Variants in CEP72 observed in about 807,000 individuals in gnomAD.
CEP72 encodes the protein centrosomal protein 72.
A neutral mutation model predicts 65.7 loss-of-function variants in CEP72; 78 were observed. The observed-to-expected ratio is 1.19, with a 90% CI of 0.99 to 1.43. The LOEUF is 1.43. Among genes scored for constraint, CEP72 ranks in the 40% most tolerant of loss-of-function variants. The pLI is 0.00. For missense variants in CEP72, 914 were observed against 832.9 expected (o/e 1.10, Z -1.20); for synonymous variants, 358 against 351.7 (o/e 1.02, Z -0.20).
downstream of CEP72, among the ~76,000 whole-genome samples, chr5:670,860 G>T (rs1740196330): frequency 6.6e-6 from 1 of 152,198 alleles, no homozygotes; most frequent in South Asian, 2.1e-4. Flanking sequence ...TCCACCAGCA[G>T]CTGAGCACCT....
chr5:640,632 GTCCATGTGA>G, intron 9 of CEP72, 28 bp downstream of exon 9: 1 of 1,586,286 alleles, frequency 6.3e-7, no homozygotes, highest in Non-Finnish European at 8.6e-7. Flanking sequence ...CTGTGTCTGT[GTCCATGTGA>G]CTGGGGGAAA....
At chr5:625,575 T>A (rs1181717571) in intron 4 of CEP72, among the ~76,000 whole-genome samples, 1 of 152,250 alleles carries the variant, frequency 6.6e-6, no homozygotes, top group Non-Finnish European at 1.5e-5. Flanking sequence ...TGCTGACTTC[T>A]CTTCCAGTGT....
rs537424173 is a variant in CEP72, at chr5:614,752, C to T, written c.82+2309C>T. ...CTGTGTGATTCCATTATGGCCAGAA[C>T]ATAATCTGTATGATTTTAATTCTTT... On this transcript the variant is annotated intron_variant, in intron 1 of 11. Coordinates refer to ENST00000264935, the MANE Select transcript of CEP72 (RefSeq NM_018140.4). Among the ~76,000 whole-genome samples the T allele has an allele frequency of 2.0e-5, 3 of 152,296 alleles. No individual in the cohort carries two copies. The East Asian group carries it at 5.8e-4, about 29-fold the overall frequency.
At chr5:644,592 C>A (rs1185892520) in intron 10 of CEP72, among the ~76,000 whole-genome samples, 167 bp downstream of exon 10, 2 of 152,170 alleles carry the variant, frequency 1.3e-5, no homozygotes, top group Non-Finnish European at 2.9e-5. Context: ...GCTGCCTCGG[C>A]CGGAGTTTAT....
Position 650,248 on chromosome 5 carries a change from G to A in CEP72, c.1778+2332G>A, listed in dbSNP as rs532520306. ...AGGCGTGGACTGTGAGGCGTGGACT[G>A]TGAGGTGTGACTGTGAGGCGTGGAC... On this transcript the variant is annotated intron_variant, in intron 11 of 11. Transcript: ENST00000264935. Among the ~76,000 whole-genome samples the A allele has an allele frequency of 2.7e-3, 196 of 71,450 alleles. 3 individuals are homozygous for A. The highest frequency in any genetic ancestry group is 0.016 in the African/African-American group (190 of 11,958). The allele number at this position is 71,450 out of a possible 152,430, so 46.9% of individuals were successfully genotyped here.
intron 8 of CEP72, 33 bp downstream of exon 8, chr5:639,257 A>G (rs776137547): frequency 2.6e-6 from 4 of 1,529,384 alleles, no homozygotes; most frequent in Admixed American, 4.1e-5. Flanking sequence ...CTTGCCCTGT[A>G]GGCAGCGTCT....
intron 10 of CEP72, among the ~76,000 whole-genome samples, chr5:646,295 T>C (rs1738419773): frequency 6.6e-6 from 1 of 152,378 alleles, no homozygotes; most frequent in East Asian, 1.9e-4. Flanking sequence ...TTTCTAATTA[T>C]GACTTACGTT....
intron 4 of CEP72, among the ~76,000 whole-genome samples, chr5:625,202 A>T (rs986285634): frequency 6.6e-6 from 1 of 152,090 alleles, no homozygotes; most frequent in African/African-American, 2.4e-5. Flanking sequence ...CCCTAGAGAG[A>T]CTTCGTGCTT....
At chr5:659,224 A>G (rs1375138388), downstream of CEP72, among the ~76,000 whole-genome samples, 1 of 152,216 alleles carries the variant, frequency 6.6e-6, no homozygotes, top group South Asian at 2.1e-4. Context: ...GTCCCTCTCC[A>G]TGCTCCTGTT....
chr5:633,327 C>T (rs1454237790), intron 4 of CEP72, among the ~76,000 whole-genome samples: 1 of 124,958 alleles, frequency 8.0e-6, no homozygotes, highest in Admixed American at 8.4e-5. Context: ...TGGCCCAGTC[C>T]TGGTGGGGTT....
At chr5:648,743 TGAGGTGTG>T (rs1313827020) in intron 11 of CEP72, among the ~76,000 whole-genome samples, 18 of 80,854 alleles carry the variant, frequency 2.2e-4, no homozygotes, top group African/African-American at 7.1e-4. Flanking sequence ...GGCATGACTG[TGAGGTGTG>T]GACTGTGAGG....
intron 10 of CEP72, among the ~76,000 whole-genome samples, chr5:646,186 T>C (rs1352500989): frequency 6.6e-6 from 1 of 152,258 alleles, no homozygotes; most frequent in Non-Finnish European, 1.5e-5. Flanking sequence ...GAGGACTTGT[T>C]GGACTTTCTG....
At chr5:620,773 G>T (rs905145330) in intron 3 of CEP72, among the ~76,000 whole-genome samples, 1 of 152,208 alleles carries the variant, frequency 6.6e-6, no homozygotes, top group Non-Finnish European at 1.5e-5. Context: ...GAAAGAAAAG[G>T]CTTTCCATGA....
In CEP72 at chr5:644,216, G is replaced by T. The variant is rs547553725; in HGVS notation, c.1540-83G>T. On this transcript the variant is annotated intron_variant, in intron 9 of 11. Transcript: ENST00000264935. ...AAGTATGCAGAAGGAACCCTCTGGG[G>T]ATTCTCAGGTTTCAGTTTTACTTTC... is the stretch of plus-strand genomic sequence containing the variant. 1.6e-5 allele frequency: 24 copies of T among 1,476,302 alleles called. 1 individual carries two copies. In the South Asian group the frequency reaches 2.5e-4, roughly 15 times the overall value. The allele number at this position is 1,476,302 out of a possible 1,614,324, so 91.5% of individuals were successfully genotyped here. A position where few individuals can be genotyped will look rare whatever the true frequency, so the allele number is the denominator to read the frequency against.
chr5:666,178 C>T (rs1739905381), intron 4 of CEP72: 5 of 1,574,402 alleles, frequency 3.2e-6, no homozygotes, highest in East Asian at 2.3e-5. Context: ...GGGCTGCCCT[C>T]CCCACGCGTG....
chr5:634,034 T>C, intron 5 of CEP72, 87 bp downstream of exon 5: 2 of 1,266,360 alleles, frequency 1.6e-6, no homozygotes, highest in South Asian at 1.4e-5. Context: ...CCACAGTTGC[T>C]CTTTTTGTGG....
Position 635,399 on chromosome 5 carries a change from T to G in CEP72, c.719T>G (p.Leu240Trp). 1 of 1,613,454 alleles carries G rather than the reference T, an allele frequency of 6.2e-7. No individual in the cohort carries two copies. The highest frequency in any genetic ancestry group is 1.1e-5 in the South Asian group (1 of 91,060). Residue 240 changes from leucine to tryptophan, a missense_variant, in exon 6 of 12, where the codon TTG (leucine) becomes TGG (tryptophan). Transcript: ENST00000264935. ...QESRHLLSPQLVQYQCGDSGK... is the reference protein window; with the variant it reads ...QESRHLLSPQWVQYQCGDSGK... ...TCCAGACATCTGTTGAGCCCGCAGT[T>G]GGTACAGTACCAGTGTGGGGACTCT...
chr5:644,474 T>C, intron 10 of CEP72, 49 bp downstream of exon 10: 2 of 1,593,588 alleles, frequency 1.3e-6, no homozygotes, highest in Non-Finnish European at 1.7e-6. Context: ...GGTGTTCAAA[T>C]GTGCCTAGGT....
intron 11 of CEP72, among the ~76,000 whole-genome samples, chr5:651,534 T>A (rs1739096834): frequency 6.6e-6 from 1 of 151,918 alleles, no homozygotes; most frequent in Admixed American, 6.6e-5. Flanking sequence ...TTCACTGCAG[T>A]GCGTGTTCAG....
Sources: allele counts gnomAD v4.1 joint callset (sites outside exome capture counted in the v4.1 genomes callset), GRCh38; gene constraint gnomAD v4.1.1; transcripts MANE v1.5; gene names NCBI Gene and HGNC (gene_info 2026-07-23, HGNC 2026-07-21).